Variants in RIPK1 observed in about 807,000 individuals in gnomAD.
The protein encoded by RIPK1 is receptor-interacting serine/threonine-protein kinase 1.
In RIPK1, 27 loss-of-function variants were observed where a neutral mutation model predicts 62.4. The observed-to-expected ratio is 0.43, with a 90% CI of 0.32 to 0.60. The LOEUF (loss-of-function observed/expected upper bound fraction) is 0.60, where lower values mean the gene tolerates loss of function less well. Among genes scored for constraint, RIPK1 ranks in the 20% least tolerant of loss-of-function variants. The pLI, the probability that RIPK1 is intolerant of heterozygous loss-of-function variation, is 0.07. For missense variants in RIPK1, 735 were observed against 831.0 expected (o/e 0.88, Z 1.42); for synonymous variants, 287 against 303.2 (o/e 0.95, Z 0.55).
intron 7 of RIPK1, among the ~76,000 whole-genome samples, chr6:3,099,233 T>A (rs914831617): frequency 6.6e-6 from 1 of 152,198 alleles, no homozygotes; most frequent in African/African-American, 2.4e-5. Context: ...GGATATTTAA[T>A]AGAGTGCCTA....
In RIPK1 at chr6:3,105,853, C is replaced by A. The variant is rs1760821867; in HGVS notation, c.1378C>A (p.Gln460Lys). 1 of 1,614,098 alleles carries A rather than the reference C, an allele frequency of 6.2e-7. No homozygotes were observed. The highest frequency in any genetic ancestry group is 1.7e-5 in the Admixed American group (1 of 60,012). The change falls in exon 9 of 11, where the codon CAA becomes AAA. Residue 460 changes from glutamine (Q) to lysine (K), a missense_variant. Gln to Lys is a moderately conservative substitution (Grantham distance 53). Around this residue, in one of 2 missense-constraint regions of RIPK1, gnomAD observed 671 missense variants for 726.2 expected, o/e 0.92. Transcript: ENST00000259808. The surrounding 1 kb of genome is among the most constrained non-coding windows in gnomAD (Gnocchi z 4.5). ...HQPSGLTSQP[Q>K]VLYQNNGLYS... Reference sequence around the variant, plus strand: ...GCCCTCAGGGCTCACCAGCCAACCTCAAGTACTGTATCAGAACAATGGATT... The same window carrying A: ...GCCCTCAGGGCTCACCAGCCAACCTAAAGTACTGTATCAGAACAATGGATT...
At chr6:3,111,237 T>C (rs1432577306) in intron 10 of RIPK1, among the ~76,000 whole-genome samples, 1 of 152,128 alleles carries the variant, frequency 6.6e-6, no homozygotes, top group South Asian at 2.1e-4. Context: ...GTAAGTTCTA[T>C]AAAAAGTGTT....
rs553151519 is a variant in RIPK1 at position 3,085,471 on chromosome 6, T to C, written c.838+63T>C. 3.9e-4 allele frequency: 605 copies of C among 1,565,262 alleles called. 11 individuals carry two copies. The South Asian group carries it at 6.4e-3, about 17-fold the overall frequency. ...GTGTGGTGATTTTCCTAGTAACATA[T>C]TGTTAGGAACTTGGTTTGAATCCTC... On this transcript the variant is annotated intron_variant, in intron 6 of 10. Coordinates refer to ENST00000259808, the MANE Select transcript of RIPK1 (RefSeq NM_001354930.2).
At chr6:3,094,419 A>G (rs1370672180) in intron 7 of RIPK1, among the ~76,000 whole-genome samples, 6 of 152,216 alleles carry the variant, frequency 3.9e-5, no homozygotes, top group African/African-American at 1.2e-4. Flanking sequence ...GGTTAGAAGT[A>G]ACGAAATATA....
intron 7 of RIPK1, among the ~76,000 whole-genome samples, chr6:3,099,847 T>G (rs1273577501): frequency 6.6e-6 from 1 of 152,200 alleles, no homozygotes; most frequent in Non-Finnish European, 1.5e-5. Context: ...TTGGCTGCAG[T>G]TCTACTCTCA....
intron 6 of RIPK1, 146 bp downstream of exon 6, chr6:3,085,554 T>C (rs1215059114): frequency 1.2e-6 from 1 of 814,574 alleles, no homozygotes; most frequent in African/African-American, 1.7e-5. Context: ...ATTTCAAACA[T>C]GTTATTCAGT....
chr6:3,085,245 T>A lies in RIPK1; in HGVS notation c.689-14T>A. 6.2e-7 allele frequency: 1 copy of A among 1,613,964 alleles called. No homozygotes were observed. The highest frequency in any genetic ancestry group is 8.5e-7 in the Non-Finnish European group (1 of 1,179,970). ...GAGAGGAGCAAGACCTGAAAGAAAG[T>A]CTTTGCTTTGTAGATGCTATCTGTG... On this transcript the variant is annotated splice_polypyrimidine_tract_variant and intron_variant, in intron 5 of 10. Coordinates refer to ENST00000259808, the MANE Select transcript of RIPK1 (RefSeq NM_001354930.2).
intron 5 of RIPK1, among the ~76,000 whole-genome samples, chr6:3,084,616 A>G (rs1759592709): frequency 7.1e-6 from 1 of 140,798 alleles, no homozygotes; most frequent in Non-Finnish European, 1.5e-5. Context: ...TTCCCGTGAG[A>G]CAGAGTCTCA....
rs141368248 is a variant in RIPK1, at chr6:3,105,504, G to A, written c.1029G>A (p.Leu343=). ...CAGCCACAGAACAGCCTGGTTCACT[G>A]CACAGTTCCCAGGGACTTGGGATGG... is the stretch of plus-strand genomic sequence containing the variant. ...SNSATEQPGS[L]HSSQGLGMGP... Residue 343 remains leucine (L), a synonymous_variant, in exon 9 of 11, where the codon CTG becomes CTA. Coordinates refer to ENST00000259808, the MANE Select transcript of RIPK1 (RefSeq NM_001354930.2). This position sits in a 1 kb window ranked among gnomAD's most constrained non-coding sequence, Gnocchi z 4.5. 3.6e-4 allele frequency: 568 copies of A among 1,566,892 alleles called. 2 individuals carry two copies. Among genetic ancestry groups the A allele is most frequent in the Non-Finnish European group, 4.6e-4 (533 of 1,161,718 alleles).
Position 3,077,763 on chromosome 6 carries a change from C to G in RIPK1, c.165-16C>G. On this transcript the variant is annotated splice_polypyrimidine_tract_variant and intron_variant, in intron 2 of 10. Transcript: ENST00000259808. ...TGGCTCTGCCAGCCTCAGCATAGCA[C>G]CTTTCCTGCCCACAGGCACAACGAG... The G allele has an allele frequency of 1.1e-5, 18 of 1,613,602 alleles. No homozygotes were observed. Among genetic ancestry groups the G allele is most frequent in the Non-Finnish European group, 1.5e-5 (18 of 1,179,820 alleles).
chr6:3,106,950 T>C (rs1760880636), intron 9 of RIPK1, among the ~76,000 whole-genome samples: 1 of 152,140 alleles, frequency 6.6e-6, no homozygotes, highest in Admixed American at 6.5e-5. Flanking sequence ...CAATAAAAAT[T>C]TCAGCTGGGG....
intron 2 of RIPK1, 122 bp from the exon 3 acceptor site, chr6:3,077,657 G>C (rs952171877): frequency 9.4e-7 from 1 of 1,062,524 alleles, no homozygotes; most frequent in African/African-American, 1.6e-5. Flanking sequence ...CCTGTGCCTG[G>C]AAGAGATCGG....
At chr6:3,066,284 A>G (rs958745283), upstream of RIPK1, among the ~76,000 whole-genome samples, 1 of 152,208 alleles carries the variant, frequency 6.6e-6, no homozygotes, top group Admixed American at 6.5e-5. Context: ...TTGGCCTCCC[A>G]AAGTGCTAGG....
intron 8 of RIPK1, 103 bp downstream of exon 8, chr6:3,104,418 C>T: frequency 1.6e-6 from 1 of 629,218 alleles, no homozygotes. Context: ...ACAGAAGAAA[C>T]TATAAAAGTG....
At chr6:3,108,612 C>T (rs1039643631) in intron 9 of RIPK1, among the ~76,000 whole-genome samples, 4 of 152,112 alleles carry the variant, frequency 2.6e-5, no homozygotes, top group South Asian at 2.1e-4. Context: ...CCTGGCGATG[C>T]GCAGAGTAAG....
intron 3 of RIPK1, among the ~76,000 whole-genome samples, 179 bp from the exon 4 acceptor site, chr6:3,080,800 C>CCCA (rs145068231): frequency 8.7e-6 from 1 of 115,116 alleles, no homozygotes; most frequent in Admixed American, 8.2e-5. Context: ...ATACCCTCTG[C>CCCA]CCCCCCCCGA....
At chr6:3,077,356 A>G (rs939016789) in intron 2 of RIPK1, among the ~76,000 whole-genome samples, 2 of 152,016 alleles carry the variant, frequency 1.3e-5, no homozygotes, top group Non-Finnish European at 2.9e-5. Flanking sequence ...ATGAAAAGGC[A>G]GTTCATTCCT....
At chr6:3,066,582 G>A (rs4959768), upstream of RIPK1, among the ~76,000 whole-genome samples, 16,328 of 151,978 alleles carry the variant, frequency 0.11, 955 homozygotes, top group African/African-American at 0.16. Flanking sequence ...AGCTGTTTTG[G>A]TTTACAGCAA....
At chr6:3,079,484 G>GT (rs199900856) in intron 3 of RIPK1, among the ~76,000 whole-genome samples, 2,007 of 152,324 alleles carry the variant, frequency 0.013, 22 homozygotes, top group South Asian at 0.041. Context: ...ACATGTAGAC[G>GT]TTTTGAAGCA....
Sources: gnomAD v4.1 joint callset for allele counts (sites outside exome capture counted in the v4.1 genomes callset) on GRCh38, gnomAD v4.1.1 for gene constraint, gnomAD v4.1.1 regional missense constraint, Gnocchi (gnomAD v3.1) non-coding constraint, MANE v1.5 for transcripts, NCBI Gene and HGNC (gene_info 2026-07-23, HGNC 2026-07-21) for gene names.